Variants in PLEKHG4B observed in about 807,000 individuals in gnomAD.
PLEKHG4B encodes pleckstrin homology and RhoGEF domain containing G4B.
A neutral mutation model predicts 121.3 loss-of-function variants in PLEKHG4B; 111 were observed. The observed-to-expected ratio is 0.92, with a 90% CI of 0.78 to 1.07. PLEKHG4B has a LOEUF of 1.07. PLEKHG4B is among the 50% of genes least tolerant of loss of function. The probability of loss-of-function intolerance (pLI) is 0.00; values close to 1 mark genes in which losing one functional copy is unlikely to be tolerated. For synonymous variants in PLEKHG4B, 738 were observed against 725.0 expected (o/e 1.02, Z -0.29); for missense variants, 1,831 against 1,757.8 (o/e 1.04, Z -0.74).
intron 1 of PLEKHG4B, among the ~76,000 whole-genome samples, chr5:95,566 C>T (rs138337916): frequency 6.6e-5 from 10 of 152,338 alleles, no homozygotes; most frequent in African/African-American, 2.4e-4. Context: ...TGTCCTTCCT[C>T]TCTGGTAAAG....
chr5:102,822 C>G (rs1733862399), intron 1 of PLEKHG4B, among the ~76,000 whole-genome samples: 1 of 152,186 alleles, frequency 6.6e-6, no homozygotes, highest in Admixed American at 6.5e-5. Context: ...CCCCTTGGAA[C>G]TCCTAGGGTG....
At chr5:94,759 CT>C (rs1733582310) in intron 1 of PLEKHG4B, among the ~76,000 whole-genome samples, 1 of 152,016 alleles carries the variant, frequency 6.6e-6, no homozygotes, top group African/African-American at 2.4e-5. Flanking sequence ...AGACCCCGAT[CT>C]TTTGTCCAAA....
chr5:117,966 C>A (rs1475456542), intron 2 of PLEKHG4B, among the ~76,000 whole-genome samples: 1 of 152,012 alleles, frequency 6.6e-6, no homozygotes, highest in Non-Finnish European at 1.5e-5. Context: ...TGAAATCAAT[C>A]AAATAGAAAT....
At chr5:135,058 G>A (rs1208855945) in intron 2 of PLEKHG4B, among the ~76,000 whole-genome samples, 6 of 151,028 alleles carry the variant, frequency 4.0e-5, no homozygotes, top group Admixed American at 3.3e-4. Context: ...GCATGGTGGC[G>A]GGCGCCTGTA....
rs1364175655 is a variant in PLEKHG4B, at chr5:154,976, G to T, written c.2094G>T (p.Trp698Cys). 6.2e-7 allele frequency: 1 copy of T among 1,612,780 alleles called. No individual in the cohort carries two copies. Among genetic ancestry groups the T allele is most frequent in the Non-Finnish European group, 8.5e-7 (1 of 1,179,810 alleles). ...DGSFPYSHGD[W>C]ICFRQRLEHF... ...CCTTTCCCTACAGCCATGGTGACTG[G>T]ATCTGCTTCCGTCAGGTAGGTTCAG... The change falls in exon 8 of 20, where the codon TGG becomes TGT. Residue 698 changes from tryptophan (W) to cysteine (C), a missense_variant. By Grantham distance (215) the Trp-to-Cys change is radical. Coordinates refer to ENST00000637938, the MANE Select transcript of PLEKHG4B (RefSeq NM_052909.5).
At position 140,239 on chromosome 5, in the gene PLEKHG4B, A is replaced by C. The variant is rs1331801195; in HGVS notation, c.1000A>C (p.Ser334Arg). ...LTFHTDLGIPSSRRRPPGDPT... is the reference protein window; with the variant it reads ...LTFHTDLGIPRSRRRPPGDPT... ...CTTCCACACAGACCTGGGCATCCCG[A>C]GCAGCAGGAGGCGGCCGCCGGGGGA... is the stretch of plus-strand genomic sequence containing the variant. Residue 334 changes from serine (S) to arginine (R), a missense_variant, in exon 3 of 20, where the codon AGC (serine) becomes CGC (arginine). Coordinates refer to ENST00000637938, the MANE Select transcript of PLEKHG4B (RefSeq NM_052909.5). 2 of 1,434,332 alleles carry C rather than the reference A, an allele frequency of 1.4e-6. No homozygotes were observed. Among genetic ancestry groups the C allele is most frequent in the Non-Finnish European group, 1.8e-6 (2 of 1,084,602 alleles). 88.9% of individuals were successfully genotyped at this position (1,434,332 alleles called of 1,614,324 possible). A position where few individuals can be genotyped will look rare whatever the true frequency, so the allele number is the denominator to read the frequency against.
In PLEKHG4B at chr5:167,703, A is replaced by G. The variant is rs1353156774; in HGVS notation, c.3477-1637A>G. ...CTTCTCCTGGAGAGTCCCGCCGCCC[A>G]GGCCAGGCTTTGGCATTCATGCTGC... is the stretch of plus-strand genomic sequence containing the variant. On this transcript the variant is annotated intron_variant, in intron 13 of 19. Transcript: ENST00000637938. 2.6e-5 allele frequency among the ~76,000 whole-genome samples: 4 copies of G among 152,310 alleles called. No individual in the cohort carries two copies. In the East Asian group the frequency reaches 7.7e-4, roughly 29 times the overall value.
At chr5:94,618 C>T (rs1579224600) in intron 1 of PLEKHG4B, among the ~76,000 whole-genome samples, 1 of 151,488 alleles carries the variant, frequency 6.6e-6, no homozygotes, top group African/African-American at 2.4e-5. Flanking sequence ...TGAGAGGTGG[C>T]AGGTTCCATC....
chr5:128,613 C>T (rs566927004), intron 2 of PLEKHG4B, among the ~76,000 whole-genome samples: 1 of 152,214 alleles, frequency 6.6e-6, no homozygotes, highest in African/African-American at 2.4e-5. Flanking sequence ...GGGCCAAGAG[C>T]TGAAATTGAC....
chr5:152,918 G>C (rs1173309048), intron 7 of PLEKHG4B, among the ~76,000 whole-genome samples: 1 of 152,202 alleles, frequency 6.6e-6, no homozygotes, highest in Admixed American at 6.5e-5. Flanking sequence ...CATGTAAGAT[G>C]TGTCTTGCTT....
At chr5:100,409 G>A (rs936863001) in intron 1 of PLEKHG4B, among the ~76,000 whole-genome samples, 7 of 148,992 alleles carry the variant, frequency 4.7e-5, no homozygotes, top group Admixed American at 2.7e-4. Context: ...CTGTAGGGGA[G>A]AGACTGTTGT....
chr5:101,798 G>A (rs1733824685), intron 1 of PLEKHG4B, among the ~76,000 whole-genome samples: 4 of 130,908 alleles, frequency 3.1e-5, no homozygotes, highest in African/African-American at 1.4e-4. Flanking sequence ...ACTGTTGTGA[G>A]GTTAATCCAT....
At chr5:169,025 G>A (rs558404843) in intron 13 of PLEKHG4B, 1 of 340,454 alleles carries the variant, frequency 2.9e-6, no homozygotes, top group Non-Finnish European at 5.5e-6. Context: ...ATAGGTGCCT[G>A]CCACTACCCC....
chr5:155,252 C>T (rs9312845), intron 8 of PLEKHG4B, 93 bp from the exon 9 acceptor site: 144,973 of 1,156,990 alleles, frequency 0.13, 11,910 homozygotes, highest in African/African-American at 0.36. Flanking sequence ...AACCCGAGAT[C>T]GGTCTAAATG....
chr5:144,690 G>C lies in PLEKHG4B; in HGVS notation c.1812-137G>C, dbSNP rs1310414395. ...GGGCCTGCACCTTCGGGAAGTGGAAGGTTGATGTGTATAGAGAACCCCTAA... is the reference window on the plus strand; with the variant it reads ...GGGCCTGCACCTTCGGGAAGTGGAACGTTGATGTGTATAGAGAACCCCTAA... On this transcript the variant is annotated intron_variant, in intron 5 of 19. Coordinates refer to ENST00000637938, the MANE Select transcript of PLEKHG4B (RefSeq NM_052909.5). 5.3e-5 allele frequency: 36 copies of C among 678,200 alleles called. No homozygotes were observed. In the East Asian group the frequency reaches 8.1e-4, roughly 15 times the overall value. The allele number at this position is 678,200 out of a possible 1,614,324, so 42.0% of individuals were successfully genotyped here. A position where few individuals can be genotyped will look rare whatever the true frequency, so the allele number is the denominator to read the frequency against.
chr5:131,118 CT>C (rs370839530), intron 2 of PLEKHG4B, among the ~76,000 whole-genome samples: 11 of 148,032 alleles, frequency 7.4e-5, no homozygotes, highest in East Asian at 2.0e-4. Flanking sequence ...AAGCTGCTTC[CT>C]TTTTTTTTTA....
rs549766623 is a variant in PLEKHG4B at position 137,039 on chromosome 5, G to A, written c.244-2444G>A. Among the ~76,000 whole-genome samples, 2 of 152,316 alleles carry A rather than the reference G, an allele frequency of 1.3e-5. No individual in the cohort carries two copies. Among genetic ancestry groups the A allele is most frequent in the East Asian group, 1.9e-4 (1 of 5,184 alleles). On this transcript the variant is annotated intron_variant, in intron 2 of 19. Coordinates refer to ENST00000637938, the MANE Select transcript of PLEKHG4B (RefSeq NM_052909.5). The surrounding 1 kb of genome is among the most constrained non-coding windows in gnomAD (Gnocchi z 4.2). ...AACCCTGTGGATGGATGAATGGATA[G>A]CAAAATATAGTATGTACACGCAATG... is the stretch of plus-strand genomic sequence containing the variant.
chr5:177,917 T>C lies in PLEKHG4B; in HGVS notation c.4403-3597T>C, dbSNP rs59915776. The stretch of plus-strand genomic sequence containing the variant: ...GTTGGGGGAACGTGAGGATGCCCTG[T>C]GTGCTTAGGAAATTGTATGCATCCC... On this transcript the variant is annotated intron_variant, in intron 18 of 19. Coordinates refer to ENST00000637938, the MANE Select transcript of PLEKHG4B (RefSeq NM_052909.5). Among the ~76,000 whole-genome samples, 1,339 of 152,166 alleles carry C rather than the reference T, an allele frequency of 8.8e-3. 24 individuals carry two copies. The highest frequency in any genetic ancestry group is 0.031 in the African/African-American group (1,277 of 41,412).
chr5:140,498 C>A lies in PLEKHG4B; in HGVS notation c.1259C>A (p.Thr420Lys). Residue 420 changes from threonine to lysine, a missense_variant, in exon 3 of 20, where the codon ACA (threonine) becomes AAA (lysine). By Grantham distance (78) the Thr-to-Lys change is moderately conservative. Coordinates refer to ENST00000637938, the MANE Select transcript of PLEKHG4B (RefSeq NM_052909.5). ...CCAAGTCTAGAGAAGGAGAGGCACA[C>A]ACCCAGCCGGACAGGTCCAGGAGCT... is the stretch of plus-strand genomic sequence containing the variant. ...QTPSLEKERH[T>K]PSRTGPGAAG... 6.3e-7 allele frequency: 1 copy of A among 1,596,334 alleles called. No homozygotes were observed. The highest frequency in any genetic ancestry group is 8.5e-7 in the Non-Finnish European group (1 of 1,171,890).
Sources: gnomAD v4.1 joint callset for allele counts (sites outside exome capture counted in the v4.1 genomes callset) on GRCh38, gnomAD v4.1.1 for gene constraint, Gnocchi (gnomAD v3.1) non-coding constraint, MANE v1.5 for transcripts, NCBI Gene and HGNC (gene_info 2026-07-23, HGNC 2026-07-21) for gene names.